Variants in NELL1 observed in about 807,000 individuals in gnomAD.
The protein encoded by NELL1 is neural EGFL like 1, also known as protein kinase C-binding protein NELL1.
In NELL1, 76 loss-of-function variants were observed where a neutral mutation model predicts 107.4. The observed-to-expected ratio is 0.71, with a 90% CI of 0.59 to 0.86. The LOEUF (loss-of-function observed/expected upper bound fraction) is 0.86. Among genes scored for constraint, NELL1 ranks in the 40% least tolerant of loss-of-function variants. The pLI, the probability that NELL1 is intolerant of heterozygous loss-of-function variation, is 0.00. For missense variants in NELL1, 1,024 were observed against 1,005.5 expected (o/e 1.02, Z -0.25); for synonymous variants, 353 against 341.2 (o/e 1.03, Z -0.38).
At chr11:20,698,498 C>T (rs1183530403) in intron 2 of NELL1, among the ~76,000 whole-genome samples, 2 of 152,158 alleles carry the variant, frequency 1.3e-5, no homozygotes, top group African/African-American at 4.8e-5. Context: ...TTCATCTGAA[C>T]AAATTAACCT....
At chr11:20,862,776 C>G (rs1174838729) in intron 4 of NELL1, among the ~76,000 whole-genome samples, 15 of 152,144 alleles carry the variant, frequency 9.9e-5, no homozygotes, top group Admixed American at 8.5e-4. Context: ...TGTGTCCCTG[C>G]GTACTTGAGA....
At chr11:20,768,423 A>G (rs1413704838) in intron 2 of NELL1, among the ~76,000 whole-genome samples, 1 of 152,246 alleles carries the variant, frequency 6.6e-6, no homozygotes, top group Non-Finnish European at 1.5e-5. Context: ...AGGGCCTTTC[A>G]GGCCATGGCA....
At chr11:20,881,579 G>T (rs142728023) in intron 4 of NELL1, among the ~76,000 whole-genome samples, 1 of 152,252 alleles carries the variant, frequency 6.6e-6, no homozygotes, top group Non-Finnish European at 1.5e-5. Context: ...ACACAATGTC[G>T]GCACACATTA....
chr11:21,325,233 T>G (rs1850104480), intron 14 of NELL1, among the ~76,000 whole-genome samples: 1 of 152,134 alleles, frequency 6.6e-6, no homozygotes, highest in Non-Finnish European at 1.5e-5. Context: ...AGACTGAATA[T>G]ATAATTCTGT....
chr11:21,083,677 G>T (rs1206865161), intron 12 of NELL1, among the ~76,000 whole-genome samples: 2 of 152,132 alleles, frequency 1.3e-5, no homozygotes, highest in Non-Finnish European at 2.9e-5. Flanking sequence ...TCTTAGTTTA[G>T]AGTATGTATA....
chr11:21,272,252 T>C (rs535150735), intron 14 of NELL1, among the ~76,000 whole-genome samples: 7 of 152,272 alleles, frequency 4.6e-5, no homozygotes, highest in Non-Finnish European at 8.8e-5. Context: ...ACCAGGAGAT[T>C]ATATCCCACC....
intron 8 of NELL1, among the ~76,000 whole-genome samples, chr11:20,927,846 C>T (rs925290408): frequency 5.3e-5 from 8 of 152,198 alleles, no homozygotes; most frequent in African/African-American, 1.9e-4. Flanking sequence ...GTGTATCCAT[C>T]ACCTGTTTCA....
intron 14 of NELL1, among the ~76,000 whole-genome samples, chr11:21,292,133 A>G (rs191053805): frequency 1.1e-4 from 16 of 152,190 alleles, no homozygotes; most frequent in Admixed American, 9.8e-4. Context: ...AGGAAGTCAA[A>G]TTGTCTCTGT....
chr11:21,489,068 G>T (rs1854720704), intron 15 of NELL1, among the ~76,000 whole-genome samples: 1 of 150,586 alleles, frequency 6.6e-6, no homozygotes, highest in Admixed American at 6.6e-5. Flanking sequence ...AAAATCCAAA[G>T]AAAAAAAATC....
chr11:21,312,777 TA>T (rs566000753), intron 14 of NELL1, among the ~76,000 whole-genome samples: 3 of 152,138 alleles, frequency 2.0e-5, no homozygotes, highest in Non-Finnish European at 4.4e-5. Context: ...CAGGAATGGA[TA>T]AAAAACATTT....
intron 5 of NELL1, among the ~76,000 whole-genome samples, chr11:20,911,390 A>G (rs1850128014): frequency 6.6e-6 from 1 of 151,930 alleles, no homozygotes; most frequent in Non-Finnish European, 1.5e-5. Context: ...AGGTCAGGCA[A>G]TTGGACTCAG....
At chr11:21,254,547 G>A (rs1477103875) in intron 14 of NELL1, among the ~76,000 whole-genome samples, 1 of 152,100 alleles carries the variant, frequency 6.6e-6, no homozygotes, top group Non-Finnish European at 1.5e-5. Flanking sequence ...TGGACAGCAG[G>A]AGAGTTAACA....
chr11:20,698,927 G>A (rs1036517737), intron 2 of NELL1, among the ~76,000 whole-genome samples: 30 of 152,060 alleles, frequency 2.0e-4, no homozygotes, highest in Admixed American at 1.8e-3. Context: ...TTAGAATAAC[G>A]GTCTCCAAAC....
Position 21,086,678 on chromosome 11 carries a change from C to G in NELL1, c.1301-26911C>G, listed in dbSNP as rs76112017. Among the ~76,000 whole-genome samples, 1,116 of 152,218 alleles carry G rather than the reference C, an allele frequency of 7.3e-3. 19 individuals carry two copies. The highest frequency in any genetic ancestry group is 0.025 in the African/African-American group (1,024 of 41,536). On this transcript the variant is annotated intron_variant, in intron 12 of 19. Transcript: ENST00000357134. ...TCATAATAATTCATTAACCCTTTATCAACTTTTACCCTAAAATAGGTTCTA... is the reference window on the plus strand; with the variant it reads ...TCATAATAATTCATTAACCCTTTATGAACTTTTACCCTAAAATAGGTTCTA...
At chr11:21,440,860 G>A (rs190170430) in intron 15 of NELL1, among the ~76,000 whole-genome samples, 7 of 152,178 alleles carry the variant, frequency 4.6e-5, no homozygotes, top group African/African-American at 1.7e-4. Context: ...TGCCATGATT[G>A]CAAACCTGCC....
chr11:21,022,702 A>G (rs931614149), intron 12 of NELL1, among the ~76,000 whole-genome samples: 4 of 152,058 alleles, frequency 2.6e-5, no homozygotes, highest in Non-Finnish European at 4.4e-5. Flanking sequence ...TGAGTTCATC[A>G]TTTACTTTTT....
At chr11:20,840,509 G>A (rs916456327) in intron 3 of NELL1, among the ~76,000 whole-genome samples, 10 of 152,188 alleles carry the variant, frequency 6.6e-5, no homozygotes, top group African/African-American at 1.9e-4. Flanking sequence ...TAAAGCTGGT[G>A]TTTATAATGG....
chr11:21,181,882 ACT>A (rs1297785208), intron 13 of NELL1, among the ~76,000 whole-genome samples: 1 of 151,810 alleles, frequency 6.6e-6, no homozygotes, highest in Non-Finnish European at 1.5e-5. Context: ...TATGTGGTTC[ACT>A]CTGTGAGAAC....
intron 5 of NELL1, among the ~76,000 whole-genome samples, chr11:20,892,943 A>C (rs986861219): frequency 1.4e-4 from 21 of 152,036 alleles, no homozygotes; most frequent in East Asian, 1.9e-4. Flanking sequence ...AAAAAAAAAA[A>C]AAAACAGACA....
Sources: gnomAD v4.1 joint callset for allele counts (sites outside exome capture counted in the v4.1 genomes callset) on GRCh38, gnomAD v4.1.1 for gene constraint, MANE v1.5 for transcripts, NCBI Gene and HGNC (gene_info 2026-07-23, HGNC 2026-07-21) for gene names.